DACH2: variants seen among roughly 807,000 people sequenced by gnomAD.
The protein encoded by DACH2 is dachshund homolog 2.
A neutral mutation model predicts 35.8 loss-of-function variants in DACH2; 17 were observed. The observed-to-expected ratio is 0.48, with a 90% CI of 0.33 to 0.71. The LOEUF (loss-of-function observed/expected upper bound fraction) is 0.71. Among genes scored for constraint, DACH2 ranks in the 30% least tolerant of loss-of-function variants. The pLI is 0.02. For missense variants in DACH2, 469 were observed against 472.7 expected, an observed-to-expected ratio of 0.99 and a Z score of 0.07; for synonymous variants, 195 against 177.3, an observed-to-expected ratio of 1.10 and a Z score of -0.79.
intron 3 of DACH2, among the ~76,000 whole-genome samples, chrX:86,646,743 A>G (rs748799236): frequency 9.1e-6 from 1 of 110,277 alleles, no homozygotes; most frequent in East Asian, 2.8e-4. Context: ...CAACTCAATA[A>G]CAAAAAATAA....
intron 2 of DACH2, among the ~76,000 whole-genome samples, chrX:86,444,245 C>A (rs192781104): frequency 9.0e-6 from 1 of 111,245 alleles, no homozygotes; most frequent in East Asian, 2.8e-4. Context: ...ACCACGATAA[C>A]TGGTAAATTA....
At chrX:86,710,865 T>C (rs549363913) in intron 5 of DACH2, among the ~76,000 whole-genome samples, 4 of 111,605 alleles carry the variant, frequency 3.6e-5, no homozygotes, top group Non-Finnish European at 5.7e-5. Context: ...GTAAGACAGA[T>C]TGGGAAGATA....
intron 1 of DACH2, among the ~76,000 whole-genome samples, chrX:86,259,900 C>T (rs2033593636): frequency 9.0e-6 from 1 of 111,192 alleles, no homozygotes; most frequent in Non-Finnish European, 1.9e-5. Context: ...TATTCTTGGC[C>T]ATATTGATGC....
At chrX:86,410,312 A>G (rs2036589266) in intron 2 of DACH2, among the ~76,000 whole-genome samples, 1 of 112,453 alleles carries the variant, frequency 8.9e-6, no homozygotes, top group Non-Finnish European at 1.9e-5. Flanking sequence ...AACAGCAGAC[A>G]CTAAACTGTT....
intron 3 of DACH2, among the ~76,000 whole-genome samples, chrX:86,619,037 T>G (rs1446762645): frequency 4.5e-5 from 5 of 112,298 alleles, no homozygotes; most frequent in Non-Finnish European, 7.5e-5. Flanking sequence ...CTTGCAATTT[T>G]CTGTGAAAAT....
chrX:86,804,720 A>AAAGG (rs1569484143), intron 7 of DACH2, among the ~76,000 whole-genome samples: 4 of 110,988 alleles, frequency 3.6e-5, no homozygotes, highest in Non-Finnish European at 5.7e-5. Context: ...CCCATTCTGA[A>AAAGG]AGAAATTGTC....
chrX:86,795,423 C>T (rs776927027), intron 7 of DACH2, among the ~76,000 whole-genome samples: 6 of 108,971 alleles, frequency 5.5e-5, no homozygotes, highest in Admixed American at 2.0e-4. Flanking sequence ...TTAGTAGAAA[C>T]GGGGTTTCAC....
intron 3 of DACH2, among the ~76,000 whole-genome samples, chrX:86,523,826 G>A (rs1409581861): frequency 9.0e-6 from 1 of 111,070 alleles, no homozygotes; most frequent in African/African-American, 3.3e-5. Flanking sequence ...AATTGGGGAA[G>A]TCACAAATCT....
intron 2 of DACH2, among the ~76,000 whole-genome samples, chrX:86,418,677 G>A (rs991835498): frequency 5.4e-5 from 6 of 111,062 alleles, no homozygotes; most frequent in East Asian, 2.9e-4. Context: ...CTTGGTCTGC[G>A]ATGGGAGGTG....
At chrX:86,391,649 T>A (rs909941272) in intron 2 of DACH2, among the ~76,000 whole-genome samples, 12 of 111,437 alleles carry the variant, frequency 1.1e-4, no homozygotes, top group Admixed American at 9.6e-5. Context: ...CTTACGAACA[T>A]CACATAACCA....
chrX:86,237,737 A>G (rs4644405), intron 1 of DACH2, among the ~76,000 whole-genome samples: 38,137 of 110,779 alleles, frequency 0.34, 5,692 homozygotes, highest in South Asian at 0.74. Flanking sequence ...GCTGGGCATG[A>G]TGGCTGCGGT....
intron 1 of DACH2, among the ~76,000 whole-genome samples, chrX:86,288,458 C>G (rs1412837795): frequency 8.9e-6 from 1 of 112,155 alleles, no homozygotes; most frequent in Non-Finnish European, 1.9e-5. Flanking sequence ...AGACCTGTGT[C>G]CTTCCCTTCA....
intron 1 of DACH2, among the ~76,000 whole-genome samples, chrX:86,348,804 T>C: frequency 8.9e-6 from 1 of 112,646 alleles, no homozygotes; most frequent in East Asian, 2.8e-4. Flanking sequence ...GAAAGTTCCC[T>C]TGTTCCCCTC....
chrX:86,465,283 C>G (rs1016562301), intron 2 of DACH2, among the ~76,000 whole-genome samples: 20 of 112,070 alleles, frequency 1.8e-4, no homozygotes, highest in Middle Eastern at 4.6e-3. Flanking sequence ...TTTGCAAACC[C>G]TTTGTCTTGA....
intron 3 of DACH2, among the ~76,000 whole-genome samples, chrX:86,608,910 G>A (rs1441074612): frequency 9.0e-6 from 1 of 111,420 alleles, no homozygotes; most frequent in Non-Finnish European, 1.9e-5. Flanking sequence ...CTTTAGCCTT[G>A]TTCTTTGGAA....
chrX:86,168,678 C>G (rs1010572517), intron 1 of DACH2, among the ~76,000 whole-genome samples: 1 of 102,737 alleles, frequency 9.7e-6, no homozygotes, highest in Non-Finnish European at 2.0e-5. Flanking sequence ...TTTTGCATGT[C>G]TTTTGGTTTG....
At chrX:86,320,400 C>T (rs1303962244) in intron 1 of DACH2, among the ~76,000 whole-genome samples, 1 of 111,880 alleles carries the variant, frequency 8.9e-6, no homozygotes, top group Non-Finnish European at 1.9e-5. Context: ...CAATTTGCAC[C>T]ACTACCTGTT....
chrX:86,531,009 C>G (rs1466307192), intron 3 of DACH2, among the ~76,000 whole-genome samples: 1 of 111,627 alleles, frequency 9.0e-6, no homozygotes, highest in African/African-American at 3.3e-5. Flanking sequence ...AGTTGTGGAC[C>G]TTTGAACTTA....
chrX:86,497,852 G>C (rs188355494), intron 2 of DACH2, among the ~76,000 whole-genome samples: 11 of 111,344 alleles, frequency 9.9e-5, no homozygotes, highest in African/African-American at 3.6e-4. Context: ...AAATTAGCCA[G>C]GCATGGTGGC....
Sources: gnomAD v4.1 joint callset for allele counts (sites outside exome capture counted in the v4.1 genomes callset) on GRCh38, gnomAD v4.1.1 for gene constraint, MANE v1.5 for transcripts, NCBI Gene and HGNC (gene_info 2026-07-23, HGNC 2026-07-21) for gene names.